GABRG3: variants seen among roughly 807,000 people sequenced by gnomAD.
GABRG3 encodes the protein gamma-aminobutyric acid type A receptor subunit gamma3.
In GABRG3, 25 loss-of-function variants were observed where a neutral mutation model predicts 48.8. The observed-to-expected ratio is 0.51, with a 90% CI of 0.37 to 0.72. The LOEUF (loss-of-function observed/expected upper bound fraction) is 0.72, where lower values mean the gene tolerates loss of function less well. GABRG3 is among the 30% of genes least tolerant of loss of function. The probability of loss-of-function intolerance (pLI) is 0.00; values close to 1 mark genes in which losing one functional copy is unlikely to be tolerated. For synonymous variants in GABRG3, 227 were observed against 217.6 expected (o/e 1.04, Z -0.38); for missense variants, 394 against 577.9 (o/e 0.68, Z 3.26).
chr15:27,349,478 AGAGG>A lies in GABRG3; in HGVS notation c.574+20593_574+20596del, dbSNP rs555128936. Among the ~76,000 whole-genome samples, 45 of 152,248 alleles carry A rather than the reference AGAGG, an allele frequency of 3.0e-4. No homozygotes were observed. The South Asian group carries it at 6.6e-3, about 22-fold the overall frequency. The stretch of plus-strand genomic sequence containing the variant: ...CTCTTCTAGACTAGGGTTAAAATCT[AGAGG>A]GAATTTATTTAACTCAAATACAGAA... On this transcript the variant is annotated intron_variant, in intron 5 of 9. Coordinates refer to ENST00000615808, the MANE Select transcript of GABRG3 (RefSeq NM_033223.5).
At position 27,157,087 on chromosome 15, in the gene GABRG3, G is replaced by C. The variant is rs139531733; in HGVS notation, c.270+130266G>C. On this transcript the variant is annotated intron_variant, in intron 3 of 9. Transcript: ENST00000615808. Reference sequence around the variant, plus strand: ...AAGTGGAAGAGAAGAATATGTTATTGGAAAAATTATTTGCACTTGCAGGTA... The same window carrying C: ...AAGTGGAAGAGAAGAATATGTTATTCGAAAAATTATTTGCACTTGCAGGTA... 8.8e-3 allele frequency among the ~76,000 whole-genome samples: 1,344 copies of C among 152,200 alleles called. 14 individuals are homozygous for C. The highest frequency in any genetic ancestry group is 0.015 in the Non-Finnish European group (1,046 of 68,000).
At chr15:27,369,033 T>C (rs1895306605) in intron 5 of GABRG3, among the ~76,000 whole-genome samples, 1 of 152,242 alleles carries the variant, frequency 6.6e-6, no homozygotes, top group South Asian at 2.1e-4. Flanking sequence ...AAAAGTTTTA[T>C]ATGTTCACCA....
chr15:27,387,820 GGAGGGAGA>G (rs1319373585), intron 5 of GABRG3, among the ~76,000 whole-genome samples: 3 of 114,816 alleles, frequency 2.6e-5, no homozygotes, highest in Non-Finnish European at 5.5e-5. Flanking sequence ...AGGGAGGGAG[GGAGGGAGA>G]GAGGGAGAGA....
chr15:27,504,048 C>A (rs1427955801), intron 6 of GABRG3, among the ~76,000 whole-genome samples: 1 of 151,938 alleles, frequency 6.6e-6, no homozygotes, highest in Non-Finnish European at 1.5e-5. Flanking sequence ...TACTTTTAAT[C>A]TATTATTGTC....
At chr15:27,387,526 C>CT (rs750537678) in intron 5 of GABRG3, among the ~76,000 whole-genome samples, 13 of 151,984 alleles carry the variant, frequency 8.6e-5, no homozygotes, top group South Asian at 8.3e-4. Context: ...TTTCTCCAAG[C>CT]TTTTTTTCTG....
intron 3 of GABRG3, among the ~76,000 whole-genome samples, chr15:27,253,962 G>A (rs1566981282): frequency 6.6e-6 from 1 of 152,220 alleles, no homozygotes; most frequent in Non-Finnish European, 1.5e-5. Flanking sequence ...CAGAGGTTAT[G>A]TCGCTTTCCA....
chr15:27,504,271 A>G (rs1890711634), intron 6 of GABRG3, among the ~76,000 whole-genome samples: 1 of 151,134 alleles, frequency 6.6e-6, no homozygotes, highest in Non-Finnish European at 1.5e-5. Context: ...CTTCTCGTCT[A>G]TTTTTTGTTC....
intron 3 of GABRG3, among the ~76,000 whole-genome samples, chr15:27,065,752 C>G (rs1171393065): frequency 2.6e-5 from 4 of 152,256 alleles, no homozygotes; most frequent in South Asian, 2.1e-4. Context: ...AACCAAAATG[C>G]TGCCCAATAG....
intron 3 of GABRG3, among the ~76,000 whole-genome samples, chr15:27,311,391 C>T (rs989970633): frequency 6.6e-6 from 1 of 152,096 alleles, no homozygotes; most frequent in African/African-American, 2.4e-5. Flanking sequence ...CATCCAGAAC[C>T]CCACTTTGCT....
intron 3 of GABRG3, among the ~76,000 whole-genome samples, chr15:27,058,490 G>C (rs1896590524): frequency 6.6e-6 from 1 of 152,184 alleles, no homozygotes. Flanking sequence ...TGTTGAACAG[G>C]AAATGAGCTA....
intron 3 of GABRG3, among the ~76,000 whole-genome samples, chr15:27,133,034 C>A (rs920076556): frequency 4.6e-5 from 7 of 151,688 alleles, no homozygotes; most frequent in South Asian, 2.1e-4. Context: ...TTTCTAATTT[C>A]TCTTACGATA....
At chr15:27,135,845 C>T (rs1269270523) in intron 3 of GABRG3, among the ~76,000 whole-genome samples, 1 of 152,294 alleles carries the variant, frequency 6.6e-6, no homozygotes, top group Non-Finnish European at 1.5e-5. Context: ...GAGGAGGATG[C>T]AGTGAGCTGA....
At chr15:27,248,927 C>G (rs897051415) in intron 3 of GABRG3, among the ~76,000 whole-genome samples, 1 of 151,952 alleles carries the variant, frequency 6.6e-6, no homozygotes, top group African/African-American at 2.4e-5. Flanking sequence ...TCTTTTAACG[C>G]GAAGCCATCG....
In GABRG3 at chr15:27,247,010, C is replaced by T. The variant is rs182331278; in HGVS notation, c.271-79799C>T. Among the ~76,000 whole-genome samples the T allele has an allele frequency of 2.8e-3, 430 of 152,322 alleles. 2 individuals are homozygous for T. The highest frequency in any genetic ancestry group is 0.014 in the Middle Eastern group (4 of 294). On this transcript the variant is annotated intron_variant, in intron 3 of 9. Coordinates refer to ENST00000615808, the MANE Select transcript of GABRG3 (RefSeq NM_033223.5). ...ACAGGGTTCCTCTCTTTCACCCAGG[C>T]TGAAGTGCAGTGGCACAATCTGGGT...
intron 6 of GABRG3, among the ~76,000 whole-genome samples, chr15:27,504,154 C>A (rs1301324591): frequency 6.6e-6 from 1 of 152,048 alleles, no homozygotes; most frequent in African/African-American, 2.4e-5. Flanking sequence ...GGTATTTGCA[C>A]AATTTAAATT....
chr15:27,026,701 C>T, intron 2 of GABRG3, 53 bp from the exon 3 acceptor site: 1 of 1,363,754 alleles, frequency 7.3e-7, no homozygotes, highest in South Asian at 1.3e-5. Context: ...AATGTGCTCT[C>T]CTCTGTCTTT....
At chr15:27,138,920 A>G (rs1898054997) in intron 3 of GABRG3, among the ~76,000 whole-genome samples, 2 of 151,998 alleles carry the variant, frequency 1.3e-5, no homozygotes, top group Non-Finnish European at 2.9e-5. Context: ...TTTCTTGAGC[A>G]TTTTAGGAGC....
chr15:27,408,601 G>T (rs902044543), intron 5 of GABRG3, among the ~76,000 whole-genome samples: 1 of 152,174 alleles, frequency 6.6e-6, no homozygotes, highest in African/African-American at 2.4e-5. Flanking sequence ...AGCGGTAATA[G>T]CTGTGAGGGC....
rs536907221 is a variant in GABRG3 at position 27,177,308 on chromosome 15, G to A, written c.271-149501G>A. 3.2e-3 allele frequency among the ~76,000 whole-genome samples: 484 copies of A among 152,338 alleles called. 3 individuals carry two copies. The highest frequency in any genetic ancestry group is 0.01 in the African/African-American group (430 of 41,578). ...TCTCAAAACCAGTCTTAGGTTTTAC[G>A]ATAGTGTTGTTATCTAAAGGAGCAA... On this transcript the variant is annotated intron_variant, in intron 3 of 9. Transcript: ENST00000615808.
Sources: allele counts gnomAD v4.1 joint callset (sites outside exome capture counted in the v4.1 genomes callset), GRCh38; gene constraint gnomAD v4.1.1; transcripts MANE v1.5; gene names NCBI Gene and HGNC (gene_info 2026-07-23, HGNC 2026-07-21).